PLCB1: variants seen among roughly 807,000 people sequenced by gnomAD.
The protein encoded by PLCB1 is 1-phosphatidylinositol 4,5-bisphosphate phosphodiesterase beta-1.
Under a neutral mutation model 161.8 loss-of-function variants are expected in PLCB1, and 46 were observed. The ratio of observed to expected loss-of-function variants is 0.28; its 90% CI spans 0.22 to 0.36. The LOEUF is 0.36. Among genes scored for constraint, PLCB1 ranks in the 10% least tolerant of loss-of-function variants. The pLI is 1.00. For missense variants in PLCB1, 1,016 were observed against 1,472.5 expected, an observed-to-expected ratio of 0.69 and a Z score of 5.07; for synonymous variants, 517 against 503.7, an observed-to-expected ratio of 1.03 and a Z score of -0.35.
At position 8,628,751 on chromosome 20, in the gene PLCB1, A is replaced by G. The variant is rs567381110; in HGVS notation, c.384+320A>G. ...GGAGTTTGAGATGAGCCTGGCCAAC[A>G]TGGTGAATCCCTGTCTCTACTAAAA... On this transcript the variant is annotated intron_variant, in intron 4 of 31. Coordinates refer to ENST00000338037, the MANE Select transcript of PLCB1 (RefSeq NM_015192.4). 1.4e-3 allele frequency: 297 copies of G among 208,948 alleles called. 1 individual carries two copies. Among genetic ancestry groups the G allele is most frequent in the African/African-American group, 6.5e-3 (285 of 43,834 alleles). The allele number at this position is 208,948 out of a possible 1,614,324, so 12.9% of individuals were successfully genotyped here. A position where few individuals can be genotyped will look rare whatever the true frequency, so the allele number is the denominator to read the frequency against.
At chr20:8,722,583 C>G (rs748960532) in intron 15 of PLCB1, among the ~76,000 whole-genome samples, 162 bp downstream of exon 15, 1 of 152,016 alleles carries the variant, frequency 6.6e-6, no homozygotes, top group Non-Finnish European at 1.5e-5. Flanking sequence ...ATGAAATGTT[C>G]CACAATCCGG....
At chr20:8,684,366 C>T (rs551042915) in intron 9 of PLCB1, among the ~76,000 whole-genome samples, 1 of 152,082 alleles carries the variant, frequency 6.6e-6, no homozygotes, top group South Asian at 2.1e-4. Flanking sequence ...AAGCGATTCT[C>T]CTGCCTCAGC....
At chr20:8,688,457 C>T (rs1478301960) in intron 10 of PLCB1, among the ~76,000 whole-genome samples, 1 of 152,116 alleles carries the variant, frequency 6.6e-6, no homozygotes, top group East Asian at 1.9e-4. Context: ...ATGTTATCTT[C>T]TAGAATTTTT....
chr20:8,352,156 A>G (rs1212827615), intron 2 of PLCB1, among the ~76,000 whole-genome samples: 1 of 152,180 alleles, frequency 6.6e-6, no homozygotes, highest in Non-Finnish European at 1.5e-5. Flanking sequence ...AGTGATAAAA[A>G]GGAATTAGCT....
At chr20:8,341,869 T>C (rs1985821079) in intron 2 of PLCB1, among the ~76,000 whole-genome samples, 1 of 152,196 alleles carries the variant, frequency 6.6e-6, no homozygotes, top group Non-Finnish European at 1.5e-5. Flanking sequence ...CATCATTTTT[T>C]GTATGTGTAA....
intron 3 of PLCB1, among the ~76,000 whole-genome samples, chr20:8,600,377 C>A (rs951399426): frequency 2.6e-5 from 3 of 115,760 alleles, no homozygotes; most frequent in Non-Finnish European, 5.5e-5. Context: ...TGTCAGTGTG[C>A]CCCTGCTGGG....
chr20:8,523,496 C>CTCTCTCTATATATATATATATA, intron 3 of PLCB1, among the ~76,000 whole-genome samples: 7 of 51,648 alleles, frequency 1.4e-4, no homozygotes, highest in East Asian at 7.9e-4. Flanking sequence ...CTCTCTCTCT[C>CTCTCTCTATATATATATATATA]TATATATATA....
intron 3 of PLCB1, among the ~76,000 whole-genome samples, chr20:8,440,979 G>A (rs1468691691): frequency 6.6e-6 from 1 of 151,942 alleles, no homozygotes; most frequent in Non-Finnish European, 1.5e-5. Flanking sequence ...AATTAACCCA[G>A]CCTCACCATT....
chr20:8,873,422 C>G (rs367838305), intron 31 of PLCB1, among the ~76,000 whole-genome samples: 1 of 152,082 alleles, frequency 6.6e-6, no homozygotes, highest in Admixed American at 6.5e-5. Context: ...CAGTAATTCT[C>G]GTAAAATTGT....
At chr20:8,632,229 T>C (rs1292550946) in intron 4 of PLCB1, among the ~76,000 whole-genome samples, 1 of 151,910 alleles carries the variant, frequency 6.6e-6, no homozygotes, top group African/African-American at 2.4e-5. Context: ...GAGAGAGCAC[T>C]AGAGAAGATG....
At chr20:8,276,927 T>TTCTTCTTCC (rs1330247602) in intron 2 of PLCB1, among the ~76,000 whole-genome samples, 271 of 13,926 alleles carry the variant, frequency 0.019, 1 homozygote, top group African/African-American at 0.042. Flanking sequence ...TCTTCTTCTT[T>TTCTTCTTCC]TCTTCTTCTT....
At chr20:8,850,044 T>G (rs752863797) in intron 31 of PLCB1, among the ~76,000 whole-genome samples, 1 of 152,164 alleles carries the variant, frequency 6.6e-6, no homozygotes. Flanking sequence ...AGCCCGGCCC[T>G]AGAACTCATG....
chr20:8,148,166 G>A (rs1358654330), intron 1 of PLCB1, among the ~76,000 whole-genome samples: 1 of 152,136 alleles, frequency 6.6e-6, no homozygotes, highest in African/African-American at 2.4e-5. Context: ...CTAGAAGTGG[G>A]AATGTGTGCT....
intron 2 of PLCB1, among the ~76,000 whole-genome samples, chr20:8,342,816 C>G (rs1985859739): frequency 6.6e-6 from 1 of 152,126 alleles, no homozygotes; most frequent in Non-Finnish European, 1.5e-5. Flanking sequence ...CATATAAAAC[C>G]TCTCTCAGAA....
At chr20:8,238,867 G>GC (rs979221111) in intron 2 of PLCB1, among the ~76,000 whole-genome samples, 16 of 150,358 alleles carry the variant, frequency 1.1e-4, no homozygotes, top group South Asian at 6.5e-4. Flanking sequence ...ATGGGTGGCT[G>GC]GGGGGAAGAC....
intron 2 of PLCB1, among the ~76,000 whole-genome samples, chr20:8,235,309 G>A (rs910123559): frequency 1.3e-5 from 2 of 152,174 alleles, no homozygotes; most frequent in South Asian, 2.1e-4. Flanking sequence ...TAAGATTGAA[G>A]TTGTCCTTAG....
intron 3 of PLCB1, among the ~76,000 whole-genome samples, chr20:8,470,735 C>T (rs1259415161): frequency 2.0e-5 from 3 of 152,134 alleles, no homozygotes; most frequent in Non-Finnish European, 4.4e-5. Flanking sequence ...CCATATTGCC[C>T]AGACTGGTCA....
intron 27 of PLCB1, among the ~76,000 whole-genome samples, chr20:8,782,201 A>C (rs1983276158): frequency 6.6e-6 from 1 of 152,184 alleles, no homozygotes; most frequent in South Asian, 2.1e-4. Flanking sequence ...TTTTTGTCCA[A>C]GACTTTCTCC....
At position 8,646,117 on chromosome 20, in the gene PLCB1, G is replaced by A. The variant is rs1199339071; in HGVS notation, c.400G>A (p.Val134Ile). 6.2e-7 allele frequency: 1 copy of A among 1,612,254 alleles called. No individual in the cohort carries two copies. Among genetic ancestry groups the A allele is most frequent in the Non-Finnish European group, 8.5e-7 (1 of 1,178,284 alleles). Residue 134 changes from valine to isoleucine, a missense_variant, in exon 5 of 32, where the codon GTT (valine) becomes ATT (isoleucine). By Grantham distance (29) the Val-to-Ile change is conservative (BLOSUM62 3). Coordinates refer to ENST00000338037, the MANE Select transcript of PLCB1 (RefSeq NM_015192.4). ...EEVAKEWTNE[V>I]FSLATNLLAQ... ...CATTTTTCAGGAATGGACAAATGAG[G>A]TTTTCAGTTTGGCAACAAACCTGCT...
Sources: gnomAD v4.1 joint callset for allele counts (sites outside exome capture counted in the v4.1 genomes callset) on GRCh38, gnomAD v4.1.1 for gene constraint, MANE v1.5 for transcripts, NCBI Gene and HGNC (gene_info 2026-07-23, HGNC 2026-07-21) for gene names.